Variants in RFWD3 observed in about 807,000 individuals in gnomAD.
RFWD3 encodes the protein ring finger and WD repeat domain 3.
RFWD3 carries 65 observed loss-of-function variants against 87.7 expected under a neutral mutation model. The ratio of observed to expected loss-of-function variants is 0.74; its 90% CI spans 0.61 to 0.91. The LOEUF (loss-of-function observed/expected upper bound fraction) is 0.91, where lower values mean the gene tolerates loss of function less well. Ranked by LOEUF, RFWD3 falls within the 40% of genes least tolerant of loss-of-function variation. The pLI, the probability that RFWD3 is intolerant of heterozygous loss-of-function variation, is 0.00. For missense variants in RFWD3, 1,078 were observed against 938.5 expected, an observed-to-expected ratio of 1.15 and a Z score of -1.94; for synonymous variants, 433 against 352.8, an observed-to-expected ratio of 1.23 and a Z score of -2.55.
At chr16:74,657,252 G>A (rs911808974) in intron 2 of RFWD3, among the ~76,000 whole-genome samples, 1 of 152,178 alleles carries the variant, frequency 6.6e-6, no homozygotes, top group Non-Finnish European at 1.5e-5. Flanking sequence ...CTATCAAGGA[G>A]CTGGAGAAGG....
chr16:74,643,663 G>A (rs1959847283), intron 6 of RFWD3, among the ~76,000 whole-genome samples: 1 of 137,968 alleles, frequency 7.2e-6, no homozygotes, highest in Non-Finnish European at 1.5e-5. Context: ...GGTGTTACTA[G>A]CAACTGTTTT....
chr16:74,635,720 TA>T (rs1236682617), intron 8 of RFWD3, among the ~76,000 whole-genome samples: 3 of 152,230 alleles, frequency 2.0e-5, no homozygotes, highest in Non-Finnish European at 4.4e-5. Flanking sequence ...ATAACCATGC[TA>T]AAGCAAAGGG....
At chr16:74,626,051 T>C (rs1958923293) in intron 12 of RFWD3, among the ~76,000 whole-genome samples, 2 of 152,210 alleles carry the variant, frequency 1.3e-5, no homozygotes, top group South Asian at 2.1e-4. Context: ...TCGGGCATGG[T>C]GGTGGGGTGC....
intron 8 of RFWD3, among the ~76,000 whole-genome samples, chr16:74,633,254 G>A (rs1185332955): frequency 1.5e-5 from 2 of 135,972 alleles, no homozygotes; most frequent in African/African-American, 2.9e-5. Flanking sequence ...TCCAGCGTGG[G>A]CAACCAGAGC....
At chr16:74,656,347 AT>A (rs1597453701) in intron 2 of RFWD3, among the ~76,000 whole-genome samples, 1 of 149,826 alleles carries the variant, frequency 6.7e-6, no homozygotes, top group East Asian at 2.0e-4. Context: ...GAAAAGAAAT[AT>A]TTTGTTGTGA....
chr16:74,663,010 T>C (rs1049794707), intron 1 of RFWD3, among the ~76,000 whole-genome samples: 11 of 151,884 alleles, frequency 7.2e-5, no homozygotes, highest in African/African-American at 2.4e-4. Context: ...GTTCACGCCA[T>C]TCTCCTGCCT....
intron 12 of RFWD3, among the ~76,000 whole-genome samples, 184 bp from the exon 13 acceptor site, chr16:74,624,255 CT>C (rs1265778918): frequency 6.6e-6 from 1 of 152,196 alleles, no homozygotes; most frequent in Non-Finnish European, 1.5e-5. Context: ...CAGGTACAGC[CT>C]CACCTACTGT....
intron 2 of RFWD3, among the ~76,000 whole-genome samples, chr16:74,653,457 C>T (rs1441118408): frequency 1.3e-5 from 2 of 150,710 alleles, no homozygotes; most frequent in East Asian, 3.9e-4. Context: ...CTACTGCACT[C>T]CAGCCTAGGT....
At chr16:74,639,203 A>C (rs1484564969) in intron 6 of RFWD3, among the ~76,000 whole-genome samples, 1 of 151,958 alleles carries the variant, frequency 6.6e-6, no homozygotes, top group African/African-American at 2.4e-5. Flanking sequence ...ACACCCAGCT[A>C]ATTTTTGTAT....
In RFWD3 at chr16:74,622,579, A is replaced by G. The variant is rs1045918604; in HGVS notation, c.*1349T>C. Reference sequence around the variant, plus strand: ...GTGCAACAACCCCTTGCCGGAGAGAAAGATCCTAGAAACAGCTCTTGAATT... The same window carrying G: ...GTGCAACAACCCCTTGCCGGAGAGAGAGATCCTAGAAACAGCTCTTGAATT... On this transcript the variant is annotated 3_prime_UTR_variant, in exon 13 of 13. Transcript: ENST00000361070. 2.6e-5 allele frequency: 4 copies of G among 152,258 alleles called. No homozygotes were observed. Among genetic ancestry groups the G allele is most frequent in the Non-Finnish European group, 5.9e-5 (4 of 68,044 alleles). 9.4% of individuals were successfully genotyped at this position (152,258 alleles called of 1,614,324 possible).
At chr16:74,624,541 A>G (rs902297685) in intron 12 of RFWD3, among the ~76,000 whole-genome samples, 1 of 152,142 alleles carries the variant, frequency 6.6e-6, no homozygotes, top group African/African-American at 2.4e-5. Flanking sequence ...GATTACAGAC[A>G]TCCACCACCA....
At chr16:74,635,019 G>A (rs938138447) in intron 8 of RFWD3, among the ~76,000 whole-genome samples, 3 of 152,036 alleles carry the variant, frequency 2.0e-5, no homozygotes, top group South Asian at 4.2e-4. Context: ...GGTGGCTCAC[G>A]CCTGTAATCC....
In RFWD3 at chr16:74,641,816, C is replaced by T. The variant is rs1244955163; in HGVS notation, c.1079+2546G>A. On this transcript the variant is annotated intron_variant, in intron 6 of 12. Transcript: ENST00000361070. ...TGAAAGGCGCCTGTAATCCCGGCTA[C>T]TTGGGAGACTGAGGCAGGAGAATTG... 3.3e-5 allele frequency among the ~76,000 whole-genome samples: 5 copies of T among 149,864 alleles called. No individual in the cohort carries two copies. The East Asian group carries it at 8.1e-4, about 24-fold the overall frequency.
At chr16:74,666,548 C>G (rs1341189617) in intron 1 of RFWD3, 1 of 152,386 alleles carries the variant, frequency 6.6e-6, no homozygotes, top group East Asian at 1.9e-4. Context: ...GCCCCGAGCT[C>G]TCGCCTGCCC....
chr16:74,641,366 T>G (rs1959629935), intron 6 of RFWD3, among the ~76,000 whole-genome samples: 1 of 152,020 alleles, frequency 6.6e-6, no homozygotes, highest in African/African-American at 2.4e-5. Context: ...TTTCACCATG[T>G]TGGCCAGGCT....
chr16:74,642,744 C>T (rs1447199771), intron 6 of RFWD3, among the ~76,000 whole-genome samples: 5 of 152,136 alleles, frequency 3.3e-5, no homozygotes, highest in African/African-American at 1.2e-4. Flanking sequence ...CCTCCTGCCT[C>T]GGCCTTCCAA....
chr16:74,650,173 C>T (rs1960457346), intron 3 of RFWD3, among the ~76,000 whole-genome samples: 1 of 152,198 alleles, frequency 6.6e-6, no homozygotes, highest in South Asian at 2.1e-4. Context: ...ATATTCCCTT[C>T]ACAATATGTT....
In RFWD3 at chr16:74,644,425, A is replaced by G. The variant is rs1208171688; in HGVS notation, c.1016T>C (p.Ile339Thr). 1 of 1,614,078 alleles carries G rather than the reference A, an allele frequency of 6.2e-7. No individual in the cohort carries two copies. The highest frequency in any genetic ancestry group is 8.5e-7 in the Non-Finnish European group (1 of 1,180,044). ...QCNKKARHSD[I>T]VVLYARTLRA... ...CAGGGTTCGGGCATAAAGGACGACA[A>G]TGTCACTGTGCCTGGCTTTCTTGTT... Residue 339 changes from isoleucine (I) to threonine (T), a missense_variant, in exon 6 of 13, where the codon ATT becomes ACT. Transcript: ENST00000361070.
intron 12 of RFWD3, among the ~76,000 whole-genome samples, chr16:74,625,101 G>A (rs1018950526): frequency 1.3e-5 from 2 of 151,646 alleles, no homozygotes; most frequent in African/African-American, 4.9e-5. Context: ...TTGGGAGGCT[G>A]AAGCACAAGA....
Sources: allele counts gnomAD v4.1 joint callset (sites outside exome capture counted in the v4.1 genomes callset), GRCh38; gene constraint gnomAD v4.1.1; transcripts MANE v1.5; gene names NCBI Gene and HGNC (gene_info 2026-07-23, HGNC 2026-07-21).